Variants in HERC2 observed in about 807,000 individuals in gnomAD.
The protein encoded by HERC2 is E3 ubiquitin-protein ligase HERC2.
In HERC2, 102 loss-of-function variants were observed where a neutral mutation model predicts 537.7. That is an observed-to-expected ratio of 0.19 (90% confidence interval 0.16 to 0.22). The LOEUF (loss-of-function observed/expected upper bound fraction) is 0.22. Among genes scored for constraint, HERC2 ranks in the 10% least tolerant of loss-of-function variants. The probability of loss-of-function intolerance (pLI) is 1.00; values close to 1 mark genes in which losing one functional copy is unlikely to be tolerated. For missense variants in HERC2, 4,236 were observed against 6,198.2 expected, an observed-to-expected ratio of 0.68 and a Z score of 10.63; for synonymous variants, 2,224 against 2,466.2, an observed-to-expected ratio of 0.90 and a Z score of 2.91.
chr15:28,153,024 G>A (rs1892614547), intron 69 of HERC2, among the ~76,000 whole-genome samples, 194 bp from the exon 70 acceptor site: 1 of 152,214 alleles, frequency 6.6e-6, no homozygotes. Context: ...CACAGAGCCT[G>A]TAAGATGCTG....
At position 28,121,405 on chromosome 15, in the gene HERC2, G is replaced by C; in HGVS notation, c.13213C>G (p.Gln4405Glu). 6.2e-7 allele frequency: 1 copy of C among 1,614,208 alleles called. No individual in the cohort carries two copies. The highest frequency in any genetic ancestry group is 8.5e-7 in the Non-Finnish European group (1 of 1,180,024). The change falls in exon 86 of 93, where the codon CAA becomes GAA. Residue 4405 changes from glutamine (Q) to glutamate (E), a missense_variant. By Grantham distance (29) the Gln-to-Glu change is conservative (BLOSUM62 2). Coordinates refer to ENST00000261609, the MANE Select transcript of HERC2 (RefSeq NM_004667.6). ...TGACGATCGCGTACCATAGTTGCTT[G>C]TACTACTTTCCGGAAAGCCGCCTCC... ...GKEAAFRKVVQATMVRDRQHG... is the reference protein window; with the variant it reads ...GKEAAFRKVVEATMVRDRQHG...
In HERC2 at chr15:28,111,809, T is replaced by C. The variant is rs771533630; in HGVS notation, c.14459A>G (p.Asp4820Gly). 24 of 1,613,870 alleles carry C rather than the reference T, an allele frequency of 1.5e-5. No individual in the cohort carries two copies. Among genetic ancestry groups the C allele is most frequent in the Non-Finnish European group, 2.0e-5 (24 of 1,180,010 alleles). The change falls in exon 93 of 93, where the codon GAC becomes GGC. Residue 4820 changes from aspartate to glycine, a missense_variant. Asp to Gly is a moderately conservative substitution (Grantham distance 94). Coordinates refer to ENST00000261609, the MANE Select transcript of HERC2 (RefSeq NM_004667.6). Reference protein sequence around the residue: ...SSDDSDNEDVDSFASDSTQDY... With the variant: ...SSDDSDNEDVGSFASDSTQDY... Reference sequence around the variant, plus strand: ...TTGTGTAGAGTCCGAAGCAAAGGAGTCGACATCCTCGTTATCTGAATCGTC... The same window carrying C: ...TTGTGTAGAGTCCGAAGCAAAGGAGCCGACATCCTCGTTATCTGAATCGTC...
chr15:28,277,505 C>A (rs2075907362), intron 5 of HERC2, among the ~76,000 whole-genome samples: 1 of 149,416 alleles, frequency 6.7e-6, no homozygotes. Flanking sequence ...TTTAGGAATT[C>A]TTCCACTTAA....
At chr15:28,284,674 G>A (rs575661491) in intron 4 of HERC2, among the ~76,000 whole-genome samples, 3 of 152,186 alleles carry the variant, frequency 2.0e-5, no homozygotes, top group East Asian at 3.9e-4. Flanking sequence ...TGTAATCCTA[G>A]CACTTTGGGA....
At chr15:28,312,220 T>A (rs2076965001) in intron 2 of HERC2, among the ~76,000 whole-genome samples, 1 of 152,298 alleles carries the variant, frequency 6.6e-6, no homozygotes, top group Non-Finnish European at 1.5e-5. Context: ...AGAGTTAGAC[T>A]GTGAACAAGC....
At chr15:28,192,206 T>A in intron 52 of HERC2, 55 bp from the exon 53 acceptor site, 13 of 1,440,726 alleles carry the variant, frequency 9.0e-6, no homozygotes, top group Non-Finnish European at 1.2e-5. Flanking sequence ...GGGAGAAACA[T>A]CATGATCAAG....
intron 26 of HERC2, among the ~76,000 whole-genome samples, chr15:28,235,466 C>A (rs1278187870): frequency 6.6e-6 from 1 of 152,124 alleles, no homozygotes; most frequent in East Asian, 1.9e-4. Flanking sequence ...CACAGGCAGC[C>A]CAGCACCCAG....
intron 69 of HERC2, among the ~76,000 whole-genome samples, chr15:28,160,536 C>T (rs995639207): frequency 1.8e-4 from 28 of 152,330 alleles, no homozygotes; most frequent in East Asian, 9.7e-4. Flanking sequence ...CCGAGCCAGG[C>T]GCGAGATATA....
chr15:28,115,632 C>T, intron 88 of HERC2, 91 bp from the exon 89 acceptor site: 1 of 848,990 alleles, frequency 1.2e-6, no homozygotes, highest in South Asian at 1.5e-5. Context: ...AGCAGCTCCA[C>T]ACTCAGGACT....
intron 79 of HERC2, among the ~76,000 whole-genome samples, chr15:28,134,382 T>C (rs1434196577): frequency 6.6e-6 from 1 of 152,220 alleles, no homozygotes; most frequent in Non-Finnish European, 1.5e-5. Context: ...TACCACCAGG[T>C]TCTCTGCATA....
rs754080333 is a variant in HERC2, at chr15:28,141,798, C to T, written c.11749G>A (p.Val3917Ile). The change falls in exon 77 of 93, where the codon GTT becomes ATT. Residue 3917 changes from valine (V) to isoleucine (I), a missense_variant. Physicochemically the swap from Val to Ile is conservative, Grantham distance 29 (BLOSUM62 3). Around this residue, in one of 27 missense-constraint regions of HERC2, gnomAD observed 156 missense variants for 172.3 expected, o/e 0.91. Transcript: ENST00000261609. ...AAAATGTCATGGCTCTCATGCAGAA[C>T]ATCCATGTTTTCGCTGTCTGCCATT... ...ELMADSENMD[V>I]LHESHDIFKR... 4.3e-6 allele frequency: 7 copies of T among 1,614,168 alleles called. No individual in the cohort carries two copies. Among genetic ancestry groups the T allele is most frequent in the South Asian group, 3.3e-5 (3 of 91,064 alleles).
At chr15:28,138,284 A>G (rs936608466) in intron 78 of HERC2, among the ~76,000 whole-genome samples, 3 of 152,216 alleles carry the variant, frequency 2.0e-5, no homozygotes, top group African/African-American at 7.2e-5. Context: ...CTTTCAACGT[A>G]GATGGAACAA....
intron 17 of HERC2, among the ~76,000 whole-genome samples, 176 bp downstream of exon 17, chr15:28,256,885 G>A (rs565824509): frequency 2.4e-4 from 36 of 152,174 alleles, no homozygotes; most frequent in African/African-American, 8.7e-4. Flanking sequence ...GTGAGCCACC[G>A]CGCCCAGCCC....
intron 55 of HERC2, 101 bp downstream of exon 55, chr15:28,190,863 TA>T: frequency 1.3e-6 from 1 of 760,584 alleles, no homozygotes. Context: ...ACCAATTATT[TA>T]AACGGGGAAA....
chr15:28,257,069 G>T lies in HERC2; in HGVS notation c.2509C>A (p.Arg837=). 6.2e-7 allele frequency: 1 copy of T among 1,613,180 alleles called. No homozygotes were observed. Among genetic ancestry groups the T allele is most frequent in the Middle Eastern group, 1.7e-4 (1 of 6,052 alleles). Residue 837 remains arginine (R), a synonymous_variant, in exon 17 of 93, where the codon CGA becomes AGA. Transcript: ENST00000261609. ...CVAVATLNLL[R]LQLHAAISHQ... ...AGGGAAATCATGAATACCTGAAGTC[G>T]TAGAAGATTCAGCGTTGCCACGGCC... is the stretch of plus-strand genomic sequence containing the variant.
At chr15:28,256,047 C>T (rs1279442323) in intron 18 of HERC2, 42 bp downstream of exon 18, 6 of 1,604,554 alleles carry the variant, frequency 3.7e-6, no homozygotes, top group Non-Finnish European at 4.2e-6. Flanking sequence ...TCCCTCCCAA[C>T]ACCCTGACCC....
At chr15:28,198,830 A>T in intron 48 of HERC2, 61 bp from the exon 49 acceptor site, 1 of 1,412,106 alleles carries the variant, frequency 7.1e-7, no homozygotes, top group Non-Finnish European at 9.8e-7. Context: ...ATGAGCCATG[A>T]TAAGTAGTAT....
rs188061492 is a variant in HERC2, at chr15:28,158,083, G to A, written c.10746+5011C>T. Among the ~76,000 whole-genome samples, 3 of 152,280 alleles carry A rather than the reference G, an allele frequency of 2.0e-5. No homozygotes were observed. The East Asian group carries it at 5.8e-4, about 29-fold the overall frequency. The stretch of plus-strand genomic sequence containing the variant: ...CTTAATCCTGAGTTCTAGTTTGATG[G>A]CACTATGGTCTGAGAGACAGTTTGT... On this transcript the variant is annotated intron_variant, in intron 69 of 92. Coordinates refer to ENST00000261609, the MANE Select transcript of HERC2 (RefSeq NM_004667.6).
intron 69 of HERC2, among the ~76,000 whole-genome samples, chr15:28,161,655 A>G (rs1039029729): frequency 2.0e-5 from 3 of 152,240 alleles, no homozygotes; most frequent in African/African-American, 4.8e-5. Context: ...TGCACTAGCC[A>G]TATTTCAGTG....
Sources: allele counts gnomAD v4.1 joint callset (sites outside exome capture counted in the v4.1 genomes callset), GRCh38; gene constraint gnomAD v4.1.1; regional missense constraint gnomAD v4.1.1; transcripts MANE v1.5; gene names NCBI Gene and HGNC (gene_info 2026-07-23, HGNC 2026-07-21).